Variants in EML6 observed in about 807,000 individuals in gnomAD.
EML6 encodes the protein echinoderm microtubule-associated protein-like 6.
In EML6, 154 loss-of-function variants were observed where a neutral mutation model predicts 240.1. The ratio of observed to expected loss-of-function variants is 0.64; its 90% CI spans 0.56 to 0.73. The LOEUF is 0.73. EML6 is among the 30% of genes least tolerant of loss of function. The pLI is 0.00. For synonymous variants in EML6, 1,148 were observed against 899.0 expected (o/e 1.28, Z -4.95); for missense variants, 2,964 against 2,474.6 (o/e 1.20, Z -4.20).
chr2:54,803,167 A>G (rs1411297697), intron 2 of EML6, among the ~76,000 whole-genome samples: 1 of 152,204 alleles, frequency 6.6e-6, no homozygotes, highest in African/African-American at 2.4e-5. Context: ...CTTAACCACA[A>G]GAGCAAAACA....
rs1186118525 is a variant in EML6, at chr2:54,725,206, A to G, written c.145A>G (p.Thr49Ala). 1 of 1,504,158 alleles carries G rather than the reference A, an allele frequency of 6.6e-7. No individual in the cohort carries two copies. The highest frequency in any genetic ancestry group is 1.3e-5 in the South Asian group (1 of 79,776). 93.2% of individuals were successfully genotyped at this position (1,504,158 alleles called of 1,614,324 possible). ...GGCTGGGGTCGGGGTGGTTTACAAC[A>G]CCCGCGAGCACAGCCAAAAATTCTT... ...FVAGVGVVYN[T>A]REHSQKFFLG... The change falls in exon 2 of 42, where the codon ACC becomes GCC. Residue 49 changes from threonine to alanine, a missense_variant. Coordinates refer to ENST00000356458, the MANE Select transcript of EML6 (RefSeq NM_001039753.4). This position sits in a 1 kb window ranked among gnomAD's most constrained non-coding sequence, Gnocchi z 4.3.
At chr2:54,866,647 T>A (rs17417731) in intron 13 of EML6, 119 bp from the exon 14 acceptor site, 126,038 of 530,600 alleles carry the variant, frequency 0.24, 16,663 homozygotes, top group Non-Finnish European at 0.28. Flanking sequence ...TTCTCATGTC[T>A]TAAGTTTTCA....
intron 6 of EML6, among the ~76,000 whole-genome samples, chr2:54,828,896 C>A (rs1191387920): frequency 1.3e-5 from 2 of 152,222 alleles, no homozygotes; most frequent in Admixed American, 6.5e-5. Flanking sequence ...TTTGTGAGCT[C>A]ACTGAGGTAC....
At chr2:54,939,953 C>T (rs955503479) in intron 28 of EML6, among the ~76,000 whole-genome samples, 4 of 152,224 alleles carry the variant, frequency 2.6e-5, no homozygotes, top group Admixed American at 6.5e-5. Flanking sequence ...TTATTCTTAG[C>T]AGCAGATTAT....
intron 11 of EML6, among the ~76,000 whole-genome samples, chr2:54,857,233 C>T (rs991149569): frequency 1.3e-5 from 2 of 152,092 alleles, no homozygotes; most frequent in Non-Finnish European, 2.9e-5. Flanking sequence ...GTCAGTGCTC[C>T]AGGGAGATGT....
intron 2 of EML6, among the ~76,000 whole-genome samples, chr2:54,752,495 C>G (rs1684221001): frequency 6.6e-6 from 1 of 152,162 alleles, no homozygotes; most frequent in South Asian, 2.1e-4. Context: ...TCTGACTCCT[C>G]TTATGTAGAT....
At chr2:54,736,775 C>T (rs1439960866) in intron 2 of EML6, among the ~76,000 whole-genome samples, 4 of 152,154 alleles carry the variant, frequency 2.6e-5, no homozygotes, top group Admixed American at 6.5e-5. Flanking sequence ...CTGCCCTTTG[C>T]CTCCTCTCCC....
At chr2:54,892,930 G>A (rs1672554152) in intron 19 of EML6, among the ~76,000 whole-genome samples, 1 of 152,184 alleles carries the variant, frequency 6.6e-6, no homozygotes, top group Non-Finnish European at 1.5e-5. Context: ...AGAAGTGCCA[G>A]GATAAATGTG....
intron 21 of EML6, among the ~76,000 whole-genome samples, chr2:54,896,724 A>G (rs1464694396): frequency 6.6e-6 from 1 of 152,122 alleles, no homozygotes; most frequent in African/African-American, 2.4e-5. Flanking sequence ...GGCTTGCTGT[A>G]TTACGAGTGA....
chr2:54,767,523 G>A (rs1668230994), intron 2 of EML6, among the ~76,000 whole-genome samples: 1 of 151,184 alleles, frequency 6.6e-6, no homozygotes, highest in Non-Finnish European at 1.5e-5. Flanking sequence ...TATGTCTATT[G>A]CAATTTAGTT....
chr2:54,768,279 G>T (rs764097256), intron 2 of EML6, among the ~76,000 whole-genome samples: 2 of 151,998 alleles, frequency 1.3e-5, no homozygotes, highest in Non-Finnish European at 2.9e-5. Flanking sequence ...TAGTTAAAAG[G>T]ATTCAGCAAC....
At chr2:54,875,189 A>AC (rs1228126427) in intron 16 of EML6, among the ~76,000 whole-genome samples, 1 of 152,210 alleles carries the variant, frequency 6.6e-6, no homozygotes. Context: ...CCCATGTGGA[A>AC]CAGCCCCAAG....
intron 17 of EML6, 41 bp from the exon 18 acceptor site, chr2:54,891,013 C>G (rs1291337237): frequency 4.1e-6 from 4 of 967,960 alleles, no homozygotes; most frequent in Admixed American, 4.4e-5. Flanking sequence ...GTTACTGCTT[C>G]CATCCAAACT....
chr2:54,959,121 G>A lies in EML6; in HGVS notation c.4713G>A (p.Thr1571=). The A allele has an allele frequency of 5.2e-6, 8 of 1,550,774 alleles. No individual in the cohort carries two copies. Among genetic ancestry groups the A allele is most frequent in the Non-Finnish European group, 7.0e-6 (8 of 1,146,722 alleles). ...GTTTACAGAACAATCTCACTTTCAC[G>A]GGTGCCATCAATGGAGATGTCTACG... ...VAFGANNLTF[T]GAINGDVYVW... Residue 1571 remains threonine (T), a synonymous_variant, in exon 34 of 42, where the codon ACG becomes ACA. Coordinates refer to ENST00000356458, the MANE Select transcript of EML6 (RefSeq NM_001039753.4).
At chr2:54,753,092 T>A (rs1684247754) in intron 2 of EML6, among the ~76,000 whole-genome samples, 1 of 152,248 alleles carries the variant, frequency 6.6e-6, no homozygotes, top group African/African-American at 2.4e-5. Flanking sequence ...ATGTTTAGCC[T>A]TAATAGGTAT....
At chr2:54,937,981 T>C (rs997400466) in intron 28 of EML6, among the ~76,000 whole-genome samples, 1 of 152,242 alleles carries the variant, frequency 6.6e-6, no homozygotes, top group Non-Finnish European at 1.5e-5. Flanking sequence ...ATCCCACTTC[T>C]GACACCAATC....
chr2:54,820,523 T>C, intron 5 of EML6, 61 bp downstream of exon 5: 1 of 1,021,868 alleles, frequency 9.8e-7, no homozygotes, highest in Non-Finnish European at 1.5e-6. Context: ...GGTGTTTGTA[T>C]AGATAATTTG....
At chr2:54,832,382 G>C (rs772304070) in intron 7 of EML6, among the ~76,000 whole-genome samples, 14 of 152,178 alleles carry the variant, frequency 9.2e-5, no homozygotes, top group Non-Finnish European at 1.9e-4. Flanking sequence ...ACCTTCCATA[G>C]CTCCGAACAG....
Position 54,928,722 on chromosome 2 carries a change from G to C in EML6, c.3975G>C (p.Gln1325His). ...AAATGGAAGGCACCAAGCCACACCAGCAGCTGAAGGAAGTTTCCGTGGAAG... is the reference window on the plus strand; with the variant it reads ...AAATGGAAGGCACCAAGCCACACCACCAGCTGAAGGAAGTTTCCGTGGAAG... ...IREMEGTKPH[Q>H]QLKEVSVEER... Residue 1325 changes from glutamine to histidine, a missense_variant, in exon 28 of 42, where the codon CAG (glutamine) becomes CAC (histidine). By Grantham distance (24) the Gln-to-His change is conservative (BLOSUM62 0). Transcript: ENST00000356458. The C allele has an allele frequency of 6.4e-7, 1 of 1,551,936 alleles. No individual in the cohort carries two copies. The highest frequency in any genetic ancestry group is 1.4e-5 in the African/African-American group (1 of 73,178).
Sources: gnomAD v4.1 joint callset for allele counts (sites outside exome capture counted in the v4.1 genomes callset) on GRCh38, gnomAD v4.1.1 for gene constraint, Gnocchi (gnomAD v3.1) non-coding constraint, MANE v1.5 for transcripts, NCBI Gene and HGNC (gene_info 2026-07-23, HGNC 2026-07-21) for gene names.